Variants in NOSTRIN observed in about 807,000 individuals in gnomAD.
NOSTRIN encodes nitric oxide synthase trafficking, also known as BM247 homolog.
A neutral mutation model predicts 59.0 loss-of-function variants in NOSTRIN; 63 were observed. The observed-to-expected ratio is 1.07, with a 90% CI of 0.87 to 1.32. NOSTRIN has a LOEUF of 1.32. NOSTRIN is among the 40% of genes most tolerant of loss of function. The pLI is 0.00. For missense variants in NOSTRIN, 512 were observed against 473.1 expected (o/e 1.08, Z -0.76); for synonymous variants, 200 against 165.4 (o/e 1.21, Z -1.61).
At chr2:168,850,884 G>A in intron 8 of NOSTRIN, 200 bp from the exon 9 acceptor site, 2 of 796,962 alleles carry the variant, frequency 2.5e-6, no homozygotes, top group Non-Finnish European at 2.1e-6. Context: ...AAGAGCCTGG[G>A]GAAAGTGTGT....
At chr2:168,832,516 A>G (rs1007873116) in intron 6 of NOSTRIN, among the ~76,000 whole-genome samples, 2 of 152,166 alleles carry the variant, frequency 1.3e-5, no homozygotes, top group African/African-American at 4.8e-5. Flanking sequence ...CTGATGCCAA[A>G]TAACTAGAGA....
intron 11 of NOSTRIN, chr2:168,856,458 C>CT (rs1689118013): frequency 2.0e-6 from 1 of 503,142 alleles, no homozygotes; most frequent in Admixed American, 3.3e-5. Context: ...ACCTGTAATC[C>CT]CAGCTACTCA....
At chr2:168,850,715 C>G in intron 8 of NOSTRIN, 1 of 651,178 alleles carries the variant, frequency 1.5e-6, no homozygotes, top group Non-Finnish European at 2.6e-6. Context: ...GAGTTCAAGG[C>G]CAGCCTGCCC....
chr2:168,846,841 G>A (rs1688457497), intron 8 of NOSTRIN, among the ~76,000 whole-genome samples: 2 of 152,154 alleles, frequency 1.3e-5, no homozygotes, highest in African/African-American at 4.8e-5. Flanking sequence ...TTCTCCCAAG[G>A]ATGGCACTTG....
upstream of NOSTRIN, among the ~76,000 whole-genome samples, chr2:168,794,541 C>T (rs749819304): frequency 6.6e-6 from 1 of 151,524 alleles, no homozygotes; most frequent in South Asian, 2.1e-4. Context: ...TTACTAGAGA[C>T]GGGGTTTCAC....
intron 10 of NOSTRIN, 34 bp from the exon 11 acceptor site, chr2:168,855,318 C>T: frequency 8.9e-7 from 1 of 1,127,544 alleles, no homozygotes; most frequent in Non-Finnish European, 1.3e-6. Flanking sequence ...CTTACTTCTT[C>T]CCCCTTGTTA....
chr2:168,797,079 C>CTTTTCTTT (rs1553519713), upstream of NOSTRIN, among the ~76,000 whole-genome samples: 125 of 75,018 alleles, frequency 1.7e-3, 1 homozygote, highest in Non-Finnish European at 2.1e-3. Flanking sequence ...TTTCTTTTTT[C>CTTTTCTTT]TTTTTTTTTT....
intron 8 of NOSTRIN, among the ~76,000 whole-genome samples, chr2:168,843,894 T>C (rs531099527): frequency 1.3e-5 from 2 of 152,356 alleles, no homozygotes; most frequent in East Asian, 1.9e-4. Context: ...TGCACAAGAA[T>C]GTTTATGGGA....
upstream of NOSTRIN, among the ~76,000 whole-genome samples, chr2:168,800,906 CT>C (rs201534706): frequency 0.037 from 2,713 of 73,862 alleles, 66 homozygotes; most frequent in African/African-American, 0.079. Flanking sequence ...CTCTAAATTT[CT>C]TTTAAAAAAA....
At position 168,831,462 on chromosome 2, in the gene NOSTRIN, T is replaced by C; in HGVS notation, c.343-10T>C. 1 of 862,904 alleles carries C rather than the reference T, an allele frequency of 1.2e-6. No homozygotes were observed. Among genetic ancestry groups the C allele is most frequent in the African/African-American group, 1.6e-5 (1 of 61,348 alleles). The allele number at this position is 862,904 out of a possible 1,614,324, so 53.5% of individuals were successfully genotyped here. On this transcript the variant is annotated splice_polypyrimidine_tract_variant and intron_variant, in intron 5 of 15. Transcript: ENST00000317647. ...AGCAAAGCTTTGTTTCCTTTTTCCTTTTTCAATAGCTTGACAATGAAGTTG... is the reference window on the plus strand; with the variant it reads ...AGCAAAGCTTTGTTTCCTTTTTCCTCTTTCAATAGCTTGACAATGAAGTTG...
At chr2:168,820,225 A>G (rs886484636) in intron 2 of NOSTRIN, among the ~76,000 whole-genome samples, 16 of 152,084 alleles carry the variant, frequency 1.1e-4, no homozygotes, top group Admixed American at 1.0e-3. Flanking sequence ...TGTGACCATC[A>G]CTTCCTTCCT....
upstream of NOSTRIN, among the ~76,000 whole-genome samples, chr2:168,795,126 C>T (rs1210242543): frequency 2.0e-5 from 3 of 150,992 alleles, no homozygotes; most frequent in Non-Finnish European, 1.5e-5. Flanking sequence ...ACTATAAATC[C>T]ATTACTTATA....
At chr2:168,844,443 T>C (rs1266425387) in intron 8 of NOSTRIN, among the ~76,000 whole-genome samples, 2 of 152,214 alleles carry the variant, frequency 1.3e-5, no homozygotes, top group Non-Finnish European at 2.9e-5. Context: ...CATGATCTGA[T>C]GGCCAGCCTG....
At chr2:168,837,540 A>C (rs1687809571) in intron 7 of NOSTRIN, among the ~76,000 whole-genome samples, 1 of 151,908 alleles carries the variant, frequency 6.6e-6, no homozygotes. Context: ...CGATCTCCTG[A>C]CTTCGTGATC....
At chr2:168,809,197 C>G (rs1226143292) in intron 1 of NOSTRIN, among the ~76,000 whole-genome samples, 1 of 152,194 alleles carries the variant, frequency 6.6e-6, no homozygotes, top group South Asian at 2.1e-4. Context: ...TCTTCACAGC[C>G]ATCAGGGACC....
intron 8 of NOSTRIN, among the ~76,000 whole-genome samples, chr2:168,849,600 C>T (rs1413423611): frequency 6.6e-6 from 1 of 150,618 alleles, no homozygotes; most frequent in Non-Finnish European, 1.5e-5. Context: ...AGGTAGTTCA[C>T]CCGTCTCGGC....
chr2:168,856,710 A>T lies in NOSTRIN; in HGVS notation c.985A>T (p.Thr329Ser), dbSNP rs1229852284. 1.9e-6 allele frequency: 3 copies of T among 1,614,150 alleles called. No individual in the cohort carries two copies. Among genetic ancestry groups the T allele is most frequent in the Non-Finnish European group, 2.5e-6 (3 of 1,180,010 alleles). ...TTCAGGCCTGGAACGAATGCTTAAA[A>T]CGTACTCCAGCACCTCCTCCTTCTC... ...DKEGLERMLK[T>S]YSSTSSFSDA... Residue 329 changes from threonine to serine, a missense_variant, in exon 12 of 16, where the codon ACG becomes TCG. Thr to Ser is a moderately conservative substitution (Grantham distance 58). Transcript: ENST00000317647.
intron 1 of NOSTRIN, 29 bp from the exon 2 acceptor site, chr2:168,811,538 G>GT (rs551557124): frequency 1.8e-5 from 14 of 760,024 alleles, no homozygotes; most frequent in Non-Finnish European, 2.7e-5. Context: ...CCTGTTCATT[G>GT]TTTTTTTGTT....
intron 15 of NOSTRIN, among the ~76,000 whole-genome samples, chr2:168,864,434 C>T (rs533539605): frequency 2.0e-5 from 3 of 151,570 alleles, no homozygotes; most frequent in South Asian, 2.1e-4. Flanking sequence ...TACAGGCGTG[C>T]GCCACCACAC....
Sources: gnomAD v4.1 joint callset for allele counts (sites outside exome capture counted in the v4.1 genomes callset) on GRCh38, gnomAD v4.1.1 for gene constraint, MANE v1.5 for transcripts, NCBI Gene and HGNC (gene_info 2026-07-23, HGNC 2026-07-21) for gene names.